The following ASS1 variants were observed in gnomAD, a reference collection of about 807,000 sequenced individuals.
ASS1 encodes the protein argininosuccinate synthase.
ASS1 carries 58 observed loss-of-function variants against 60.5 expected under a neutral mutation model. The ratio of observed to expected loss-of-function variants is 0.96; its 90% CI spans 0.78 to 1.19. ASS1 has a LOEUF of 1.19. Ranked by LOEUF, ASS1 falls within the 50% of genes most tolerant of loss-of-function variation. The probability of loss-of-function intolerance (pLI) is 0.00; values close to 1 mark genes in which losing one functional copy is unlikely to be tolerated. For synonymous variants in ASS1, 200 were observed against 206.9 expected, an observed-to-expected ratio of 0.97 and a Z score of 0.29; for missense variants, 454 against 547.3, an observed-to-expected ratio of 0.83 and a Z score of 1.70.
intron 5 of ASS1, among the ~76,000 whole-genome samples, chr9:130,465,248 T>C (rs997792082): frequency 2.0e-5 from 3 of 151,816 alleles, no homozygotes; most frequent in Non-Finnish European, 2.9e-5. Flanking sequence ...CTTGAACTCC[T>C]GACCTCGTGA....
rs369441531 is a variant in ASS1 at position 130,458,357 on chromosome 9, C to T, written c.175-44C>T. The T allele has an allele frequency of 1.1e-5, 17 of 1,611,270 alleles. No individual in the cohort carries two copies. In the African/African-American group the frequency reaches 2.3e-4, roughly 22 times the overall value. Reference sequence around the variant, plus strand: ...CTGGGGCTCTGTATGCCAGATGGCCCCTGTCCTTGCCTACTTCTTCCTTCT... The same window carrying T: ...CTGGGGCTCTGTATGCCAGATGGCCTCTGTCCTTGCCTACTTCTTCCTTCT... On this transcript the variant is annotated intron_variant, in intron 3 of 14. Transcript: ENST00000352480.
intron 11 of ASS1, among the ~76,000 whole-genome samples, chr9:130,483,654 C>G (rs796382413): frequency 3.3e-5 from 5 of 150,806 alleles, no homozygotes; most frequent in African/African-American, 1.2e-4. Context: ...TCTCTGTCTC[C>G]TCTCTGGCCC....
chr9:130,475,908 C>T (rs73544008), intron 8 of ASS1, among the ~76,000 whole-genome samples: 2,844 of 152,132 alleles, frequency 0.019, 80 homozygotes, highest in African/African-American at 0.058. Context: ...AGGCGCATGC[C>T]GCCATACCCG....
chr9:130,449,307 C>T (rs1845271753), intron 1 of ASS1, among the ~76,000 whole-genome samples: 1 of 142,692 alleles, frequency 7.0e-6, no homozygotes, highest in African/African-American at 2.6e-5. Context: ...TGCATCACTG[C>T]ACTCCAGCCT....
intron 4 of ASS1, among the ~76,000 whole-genome samples, chr9:130,462,685 T>G (rs1322134630): frequency 6.6e-6 from 1 of 152,160 alleles, no homozygotes; most frequent in African/African-American, 2.4e-5. Context: ...CCATCTAAAA[T>G]GAGGCTGTCT....
chr9:130,461,021 C>CAA (rs34271203), intron 4 of ASS1, among the ~76,000 whole-genome samples: 20 of 147,360 alleles, frequency 1.4e-4, no homozygotes, highest in African/African-American at 4.7e-4. Context: ...CTGTCCCAAA[C>CAA]AAAAAAAAAA....
In ASS1 at chr9:130,491,566, A is replaced by T. The variant is rs1194558062; in HGVS notation, c.970+2102A>T. On this transcript the variant is annotated intron_variant, in intron 12 of 14. Transcript: ENST00000352480. The surrounding 1 kb of genome is among the most constrained non-coding windows in gnomAD (Gnocchi z 5.3). ...AGCTGTAGCGGCCAAGTTCCCAGTT[A>T]CTCCAACAGATTCCAGGATGCTCGT... 6.6e-6 allele frequency among the ~76,000 whole-genome samples: 1 copy of T among 152,132 alleles called. No individual in the cohort carries two copies. Among genetic ancestry groups the T allele is most frequent in the Non-Finnish European group, 1.5e-5 (1 of 68,014 alleles).
chr9:130,492,538 C>G (rs996023491), intron 12 of ASS1, among the ~76,000 whole-genome samples: 1 of 152,176 alleles, frequency 6.6e-6, no homozygotes, highest in Non-Finnish European at 1.5e-5. Flanking sequence ...ATTTCCTGGT[C>G]TGGCTGTGTG....
intron 4 of ASS1, among the ~76,000 whole-genome samples, chr9:130,460,117 C>T (rs1845553825): frequency 6.6e-6 from 1 of 152,220 alleles, no homozygotes. Context: ...AGCTCACTAC[C>T]TCGCCTGCCC....
intron 14 of ASS1, among the ~76,000 whole-genome samples, chr9:130,500,769 T>A (rs1477628982): frequency 6.6e-6 from 1 of 152,134 alleles, no homozygotes; most frequent in Non-Finnish European, 1.5e-5. Context: ...ACAAACAATG[T>A]TTTCCCCCTA....
Position 130,459,671 on chromosome 9 carries a change from A to G in ASS1, c.363+1082A>G, listed in dbSNP as rs565635587. On this transcript the variant is annotated intron_variant, in intron 4 of 14. Coordinates refer to ENST00000352480, the MANE Select transcript of ASS1 (RefSeq NM_054012.4). This position sits in a 1 kb window ranked among gnomAD's most constrained non-coding sequence, Gnocchi z 4.6. Reference sequence around the variant, plus strand: ...GCTGGTCTTGAACTCCTGACCTCAAATGATCCACCAGCCTTGGCCTCCCAA... The same window carrying G: ...GCTGGTCTTGAACTCCTGACCTCAAGTGATCCACCAGCCTTGGCCTCCCAA... Among the ~76,000 whole-genome samples, 5 of 152,256 alleles carry G rather than the reference A, an allele frequency of 3.3e-5. No homozygotes were observed. The South Asian group carries it at 1.0e-3, about 32-fold the overall frequency.
intron 12 of ASS1, among the ~76,000 whole-genome samples, chr9:130,493,062 G>A (rs1469954990): frequency 6.6e-6 from 1 of 152,122 alleles, no homozygotes; most frequent in African/African-American, 2.4e-5. Flanking sequence ...AATTATCCCA[G>A]CTCCGTCAGA....
At chr9:130,480,307 C>G (rs1158223839) in intron 10 of ASS1, 78 bp from the exon 11 acceptor site, 1 of 1,539,894 alleles carries the variant, frequency 6.5e-7, no homozygotes, top group East Asian at 2.2e-5. Context: ...CTGTGCCCAC[C>G]CTGGGACAGC....
In ASS1 at chr9:130,478,205, C is replaced by G. The variant is rs889420478; in HGVS notation, c.688+1244C>G. 5.9e-5 allele frequency among the ~76,000 whole-genome samples: 9 copies of G among 152,242 alleles called. No homozygotes were observed. The highest frequency in any genetic ancestry group is 1.2e-4 in the Non-Finnish European group (8 of 68,034). On this transcript the variant is annotated intron_variant, in intron 9 of 14. Coordinates refer to ENST00000352480, the MANE Select transcript of ASS1 (RefSeq NM_054012.4). This position sits in a 1 kb window ranked among gnomAD's most constrained non-coding sequence, Gnocchi z 4.7. ...GCTCCCCTTCATCTGTCCCAACCTA[C>G]TGGGGGGCCAAAGAGGACCCCAAAG...
intron 3 of ASS1, among the ~76,000 whole-genome samples, chr9:130,455,710 C>T (rs1194733181): frequency 6.6e-6 from 1 of 152,270 alleles, no homozygotes; most frequent in Non-Finnish European, 1.5e-5. Context: ...GAAGCCCTTG[C>T]CACTTGTGCC....
rs201358800 is a variant in ASS1 at position 130,489,242 on chromosome 9, A to ATT, written c.839-90_839-89dup. The ATT allele has an allele frequency of 2.3e-4, 282 of 1,225,446 alleles. No homozygotes were observed. The highest frequency in any genetic ancestry group is 3.6e-4 in the East Asian group (12 of 33,336). 75.9% of individuals were successfully genotyped at this position (1,225,446 alleles called of 1,614,324 possible). A position where few individuals can be genotyped will look rare whatever the true frequency, so the allele number is the denominator to read the frequency against. ...TCCTGTCAGACGACTCATTATTATT[A>ATT]TTATTTTTTTTTTTGTCATTTGCTG... On this transcript the variant is annotated intron_variant, in intron 11 of 14. Coordinates refer to ENST00000352480, the MANE Select transcript of ASS1 (RefSeq NM_054012.4). The surrounding 1 kb of genome is among the most constrained non-coding windows in gnomAD (Gnocchi z 4.1).
At chr9:130,462,266 C>T (rs1465646924) in intron 4 of ASS1, among the ~76,000 whole-genome samples, 2 of 152,358 alleles carry the variant, frequency 1.3e-5, no homozygotes, top group Non-Finnish European at 2.9e-5. Context: ...TGGGAGACCC[C>T]AGGCCCCCCA....
intron 1 of ASS1, among the ~76,000 whole-genome samples, chr9:130,447,555 C>T (rs1845223912): frequency 6.6e-6 from 1 of 152,232 alleles, no homozygotes; most frequent in Non-Finnish European, 1.5e-5. Context: ...TACCTTGACG[C>T]GAGGCCACCT....
chr9:130,482,918 C>T (rs990819777), intron 11 of ASS1, among the ~76,000 whole-genome samples: 6 of 152,166 alleles, frequency 3.9e-5, no homozygotes, highest in African/African-American at 1.2e-4. Flanking sequence ...GGGATTCTGA[C>T]GGCAAGAACT....
Sources: gnomAD v4.1 joint callset for allele counts (sites outside exome capture counted in the v4.1 genomes callset) on GRCh38, gnomAD v4.1.1 for gene constraint, Gnocchi (gnomAD v3.1) non-coding constraint, MANE v1.5 for transcripts, NCBI Gene and HGNC (gene_info 2026-07-23, HGNC 2026-07-21) for gene names.